ZMYND11: variants seen among roughly 807,000 people sequenced by gnomAD.
The protein encoded by ZMYND11 is zinc finger MYND domain-containing protein 11.
A neutral mutation model predicts 84.9 loss-of-function variants in ZMYND11; 9 were observed. That is an observed-to-expected ratio of 0.11 (90% CI 0.06 to 0.18). ZMYND11 has a LOEUF of 0.18. Among genes scored for constraint, ZMYND11 ranks in the 10% least tolerant of loss-of-function variants. The probability of loss-of-function intolerance (pLI) is 1.00; values close to 1 mark genes in which losing one functional copy is unlikely to be tolerated. For synonymous variants in ZMYND11, 250 were observed against 244.1 expected, an observed-to-expected ratio of 1.02 and a Z score of -0.23; for missense variants, 409 against 761.0, an observed-to-expected ratio of 0.54 and a Z score of 5.44.
At chr10:133,828 TG>T (rs543215519), upstream of ZMYND11, among the ~76,000 whole-genome samples, 303 of 152,352 alleles carry the variant, frequency 2.0e-3, 7 homozygotes, top group Non-Finnish European at 3.7e-4. Context: ...TATTCTGTGA[TG>T]TTCTTTGAGA....
intron 1 of ZMYND11, among the ~76,000 whole-genome samples, chr10:167,258 C>G (rs143856071): frequency 6.6e-6 from 1 of 151,964 alleles, no homozygotes; most frequent in African/African-American, 2.4e-5. Context: ...ATATATATTT[C>G]GCTACAGTTT....
Position 252,283 on chromosome 10 carries a change from AT to A in ZMYND11, c.1687-61del. On this transcript the variant is annotated intron_variant, in intron 14 of 14. Transcript: ENST00000381604. The surrounding 1 kb of genome is among the most constrained non-coding windows in gnomAD (Gnocchi z 4.6). ...AAAAGCACCACCTCAAGAGTTTGCCATTTTAACCAGTCGCTTACACATCCAC... is the reference window on the plus strand; with the variant it reads ...AAAAGCACCACCTCAAGAGTTTGCCATTTAACCAGTCGCTTACACATCCAC... The A allele has an allele frequency of 6.3e-7, 1 of 1,587,146 alleles. No individual in the cohort carries two copies.
intron 7 of ZMYND11, 46 bp downstream of exon 7, chr10:239,571 T>A: frequency 7.9e-7 from 1 of 1,266,708 alleles, no homozygotes; most frequent in South Asian, 1.3e-5. Flanking sequence ...AACACACCAT[T>A]TACATTCCAT....
chr10:160,678 A>G (rs994839919), intron 1 of ZMYND11, among the ~76,000 whole-genome samples: 3 of 152,172 alleles, frequency 2.0e-5, no homozygotes, highest in African/African-American at 4.8e-5. Context: ...CATTTCAGCA[A>G]TGTTCACAAC....
intron 2 of ZMYND11, among the ~76,000 whole-genome samples, chr10:207,015 A>G (rs1024460189): frequency 1.1e-4 from 16 of 151,822 alleles, no homozygotes; most frequent in African/African-American, 3.9e-4. Context: ...CAGTCCCCAG[A>G]GTGTGATGTT....
At chr10:239,559 T>G (rs866779898) in intron 7 of ZMYND11, 34 bp downstream of exon 7, 1 of 1,396,970 alleles carries the variant, frequency 7.2e-7, no homozygotes, top group Middle Eastern at 1.8e-4. Flanking sequence ...TATGCATTTT[T>G]AAACACACCA....
intron 10 of ZMYND11, 100 bp downstream of exon 10, chr10:242,239 A>G: frequency 6.8e-7 from 1 of 1,470,952 alleles, no homozygotes; most frequent in Non-Finnish European, 9.1e-7. Context: ...GTTTATTTTA[A>G]ATTGGAAAAA....
chr10:186,513 C>T lies in ZMYND11; in HGVS notation c.116+6385C>T, dbSNP rs569466124. ...AAAATTAGCTAGGCATGGTGGCGCACGCCTGTAGTCCCAGCTACTTGGGAG... is the reference window on the plus strand; with the variant it reads ...AAAATTAGCTAGGCATGGTGGCGCATGCCTGTAGTCCCAGCTACTTGGGAG... On this transcript the variant is annotated intron_variant, in intron 2 of 14. Coordinates refer to ENST00000381604, the MANE Select transcript of ZMYND11 (RefSeq NM_001370100.5). 3.3e-5 allele frequency among the ~76,000 whole-genome samples: 5 copies of T among 151,682 alleles called. No homozygotes were observed. The South Asian group carries it at 6.3e-4, about 19-fold the overall frequency.
intron 14 of ZMYND11, among the ~76,000 whole-genome samples, chr10:251,274 A>C (rs1398042934): frequency 1.3e-5 from 2 of 152,134 alleles, no homozygotes; most frequent in Non-Finnish European, 2.9e-5. Context: ...AAGTTAAATA[A>C]CTTGAAGCCA....
rs1403045443 is a variant in ZMYND11 at position 252,265 on chromosome 10, C to T, written c.1687-83C>T. 1.3e-6 allele frequency: 2 copies of T among 1,498,204 alleles called. No homozygotes were observed. The highest frequency in any genetic ancestry group is 1.8e-6 in the Non-Finnish European group (2 of 1,099,840). The allele number at this position is 1,498,204 out of a possible 1,614,324, so 92.8% of individuals were successfully genotyped here. A position where few individuals can be genotyped will look rare whatever the true frequency, so the allele number is the denominator to read the frequency against. ...GAGCCAGAAAGATCTTTTAAAAGCA[C>T]CACCTCAAGAGTTTGCCATTTTAAC... On this transcript the variant is annotated intron_variant, in intron 14 of 14. Coordinates refer to ENST00000381604, the MANE Select transcript of ZMYND11 (RefSeq NM_001370100.5). The surrounding 1 kb of genome is among the most constrained non-coding windows in gnomAD (Gnocchi z 4.6).
At position 222,394 on chromosome 10, in the gene ZMYND11, C is replaced by T. The variant is rs947238036; in HGVS notation, c.438+1038C>T. Among the ~76,000 whole-genome samples, 4 of 152,130 alleles carry T rather than the reference C, an allele frequency of 2.6e-5. No homozygotes were observed. In the South Asian group the frequency reaches 8.3e-4, roughly 32 times the overall value. ...GGCATACAACAGGCAGTTGGGATAG[C>T]ATTTTAAAAAATGTTTAATGATGAC... On this transcript the variant is annotated intron_variant, in intron 4 of 14. Transcript: ENST00000381604.
chr10:131,631 C>T (rs1835313957), upstream of ZMYND11, among the ~76,000 whole-genome samples: 1 of 152,142 alleles, frequency 6.6e-6, no homozygotes, highest in Non-Finnish European at 1.5e-5. Context: ...CTCAAGCCAT[C>T]CTCCTCCCTC....
chr10:130,455 TTCA>T, upstream of ZMYND11, among the ~76,000 whole-genome samples: 1 of 152,330 alleles, frequency 6.6e-6, no homozygotes, highest in East Asian at 1.9e-4. Flanking sequence ...CCGTTTAATA[TTCA>T]TCATTACCAT....
chr10:179,636 A>C (rs1342131247), intron 1 of ZMYND11, among the ~76,000 whole-genome samples: 2 of 152,224 alleles, frequency 1.3e-5, no homozygotes, highest in Admixed American at 6.5e-5. Context: ...GTATTGATCA[A>C]ATTACAAACA....
chr10:170,257 A>T (rs1844975916), intron 1 of ZMYND11, among the ~76,000 whole-genome samples: 1 of 152,144 alleles, frequency 6.6e-6, no homozygotes, highest in South Asian at 2.1e-4. Flanking sequence ...AATAAATGTT[A>T]AAAAAAGTTC....
At chr10:158,187 A>G (rs953127751) in intron 1 of ZMYND11, among the ~76,000 whole-genome samples, 1 of 152,086 alleles carries the variant, frequency 6.6e-6, no homozygotes, top group African/African-American at 2.4e-5. Flanking sequence ...GTGGATGTAC[A>G]TGTACGTGTT....
At chr10:155,985 A>T (rs71489230) in intron 1 of ZMYND11, among the ~76,000 whole-genome samples, 11 of 152,312 alleles carry the variant, frequency 7.2e-5, no homozygotes, top group African/African-American at 2.6e-4. Flanking sequence ...AAAACAACAA[A>T]TTTCAAGCAC....
intron 1 of ZMYND11, among the ~76,000 whole-genome samples, chr10:149,342 G>A (rs1449126923): frequency 7.4e-5 from 11 of 148,130 alleles, no homozygotes; most frequent in Middle Eastern, 3.3e-3. Flanking sequence ...GACCAGTCTC[G>A]CTCTGTCGCC....
chr10:184,717 CCT>C (rs1162716482), intron 2 of ZMYND11, among the ~76,000 whole-genome samples: 1 of 152,128 alleles, frequency 6.6e-6, no homozygotes, highest in African/African-American at 2.4e-5. Flanking sequence ...GTGCCATAGT[CCT>C]CTCTGTTGGT....
Sources: allele counts gnomAD v4.1 joint callset (sites outside exome capture counted in the v4.1 genomes callset), GRCh38; gene constraint gnomAD v4.1.1; non-coding constraint Gnocchi (gnomAD v3.1); transcripts MANE v1.5; gene names NCBI Gene and HGNC (gene_info 2026-07-23, HGNC 2026-07-21).